The following ABCG2 variants were observed in gnomAD, a reference collection of about 807,000 sequenced individuals.
The protein encoded by ABCG2 is ATP binding cassette subfamily G member 2 (JR blood group), also known as broad substrate specificity ATP-binding cassette transporter ABCG2.
ABCG2 carries 80 observed loss-of-function variants against 73.5 expected under a neutral mutation model. The observed-to-expected ratio is 1.09, with a 90% CI of 0.91 to 1.31. The LOEUF (loss-of-function observed/expected upper bound fraction) is 1.31. Among genes scored for constraint, ABCG2 ranks in the 50% most tolerant of loss-of-function variants. The pLI is 0.00. For synonymous variants in ABCG2, 269 were observed against 282.4 expected, an observed-to-expected ratio of 0.95 and a Z score of 0.48; for missense variants, 796 against 786.2, an observed-to-expected ratio of 1.01 and a Z score of -0.15.
At chr4:88,148,565 T>C (rs1354547339) in intron 1 of ABCG2, among the ~76,000 whole-genome samples, 2 of 152,048 alleles carry the variant, frequency 1.3e-5, no homozygotes, top group Admixed American at 6.6e-5. Context: ...CTCCTATATA[T>C]CCTGATCCTA....
chr4:88,117,357 G>A (rs1388644962), intron 7 of ABCG2, among the ~76,000 whole-genome samples: 2 of 151,176 alleles, frequency 1.3e-5, no homozygotes, highest in African/African-American at 2.4e-5. Context: ...AATTTGCTGG[G>A]TGCAGTGGCT....
intron 6 of ABCG2, among the ~76,000 whole-genome samples, chr4:88,120,293 A>G (rs1013459863): frequency 1.3e-5 from 2 of 151,284 alleles, no homozygotes; most frequent in Non-Finnish European, 1.5e-5. Context: ...GTTGGGTGGG[A>G]GCCCCTACAC....
intron 5 of ABCG2, among the ~76,000 whole-genome samples, chr4:88,126,658 T>C (rs2110031922): frequency 6.6e-6 from 1 of 152,206 alleles, no homozygotes; most frequent in Non-Finnish European, 1.5e-5. Flanking sequence ...ATCACATAAA[T>C]AGAACAAATG....
intron 1 of ABCG2, among the ~76,000 whole-genome samples, chr4:88,177,275 G>A (rs2110097407): frequency 6.6e-6 from 1 of 152,144 alleles, no homozygotes; most frequent in South Asian, 2.1e-4. Flanking sequence ...TCGGGAGGGT[G>A]AGGCAGGAGA....
At chr4:88,167,155 C>T (rs1159432505) in intron 1 of ABCG2, among the ~76,000 whole-genome samples, 3 of 151,834 alleles carry the variant, frequency 2.0e-5, no homozygotes, top group Non-Finnish European at 4.4e-5. Context: ...GAACTCTTAG[C>T]TGGACACTCT....
chr4:88,146,663 G>C (rs1323904315), intron 1 of ABCG2, among the ~76,000 whole-genome samples: 3 of 151,852 alleles, frequency 2.0e-5, no homozygotes, highest in African/African-American at 7.2e-5. Context: ...CAAAGTGCTG[G>C]GATTACAGGC....
chr4:88,153,123 G>T (rs890955069), intron 1 of ABCG2, among the ~76,000 whole-genome samples: 10 of 152,160 alleles, frequency 6.6e-5, no homozygotes, highest in African/African-American at 2.4e-4. Flanking sequence ...CAGCAAAGAT[G>T]ATTTATTTAC....
At chr4:88,222,221 C>A (rs1730036306) in intron 1 of ABCG2, among the ~76,000 whole-genome samples, 1 of 152,202 alleles carries the variant, frequency 6.6e-6, no homozygotes, top group African/African-American at 2.4e-5. Flanking sequence ...AGTCTGGGAA[C>A]CTCCGCCTAC....
rs1553931062 is a variant in ABCG2, at chr4:88,098,685, T to TAGAC, written c.1492+635_1492+638dup. Among the ~76,000 whole-genome samples the TAGAC allele has an allele frequency of 8.7e-3, 1,324 of 151,584 alleles. 13 individuals carry two copies. The highest frequency in any genetic ancestry group is 0.028 in the Admixed American group (420 of 15,174). On this transcript the variant is annotated intron_variant, in intron 12 of 15. Coordinates refer to ENST00000237612, the MANE Select transcript of ABCG2 (RefSeq NM_004827.3). Reference sequence around the variant, plus strand: ...ATAGATAGATAGATAGATAGATAGATAGACAGATAGAAAACATAGATAGGC... The same window carrying TAGAC: ...ATAGATAGATAGATAGATAGATAGATAGACAGACAGATAGAAAACATAGATAGGC...
At chr4:88,159,817 AAAAGAATTTTAAGGTATAT>A (rs1727203754), upstream of ABCG2, among the ~76,000 whole-genome samples, 1 of 152,234 alleles carries the variant, frequency 6.6e-6, no homozygotes, top group Admixed American at 6.5e-5. Context: ...CATGCTTTTT[AAAAGAATTTTAAGGTATAT>A]ATTCATGATG....
chr4:88,183,318 C>T (rs1728332773), intron 1 of ABCG2, among the ~76,000 whole-genome samples: 1 of 151,638 alleles, frequency 6.6e-6, no homozygotes, highest in South Asian at 2.1e-4. Flanking sequence ...ATTGACAAAC[C>T]TTTAGCCAGA....
At chr4:88,186,492 A>G (rs941673102) in intron 1 of ABCG2, among the ~76,000 whole-genome samples, 8 of 152,166 alleles carry the variant, frequency 5.3e-5, no homozygotes, top group African/African-American at 1.9e-4. Flanking sequence ...AATGGTGGTT[A>G]TAAGCATGGT....
At chr4:88,167,725 C>A (rs1023387054) in intron 1 of ABCG2, among the ~76,000 whole-genome samples, 1 of 152,120 alleles carries the variant, frequency 6.6e-6, no homozygotes, top group Non-Finnish European at 1.5e-5. Context: ...CCCACCTTTA[C>A]AATCTTGATA....
At chr4:88,165,340 A>G (rs1727474116) in intron 1 of ABCG2, among the ~76,000 whole-genome samples, 1 of 152,220 alleles carries the variant, frequency 6.6e-6, no homozygotes, top group African/African-American at 2.4e-5. Flanking sequence ...GTGGTCTAAA[A>G]TCAAAATGTC....
intron 6 of ABCG2, among the ~76,000 whole-genome samples, chr4:88,120,101 C>T (rs1723865223): frequency 6.6e-6 from 1 of 152,158 alleles, no homozygotes; most frequent in Non-Finnish European, 1.5e-5. Flanking sequence ...ACTTGGTACC[C>T]TATGTTTCAG....
chr4:88,222,067 T>C (rs1254067905), intron 1 of ABCG2, among the ~76,000 whole-genome samples: 1 of 152,164 alleles, frequency 6.6e-6, no homozygotes, highest in East Asian at 1.9e-4. Flanking sequence ...CCTTGGGACT[T>C]GGTGCCCTGC....
intron 1 of ABCG2, among the ~76,000 whole-genome samples, chr4:88,211,372 C>CT (rs1553900242): frequency 8.1e-6 from 1 of 123,918 alleles, no homozygotes; most frequent in Non-Finnish European, 1.8e-5. Flanking sequence ...CACCCCCCCC[C>CT]ACTTTTGGAG....
intron 1 of ABCG2, among the ~76,000 whole-genome samples, chr4:88,187,381 G>A (rs1728508895): frequency 6.6e-6 from 1 of 152,066 alleles, no homozygotes; most frequent in Admixed American, 6.6e-5. Context: ...GGGAGGCCGA[G>A]GTGGGCGGAT....
At chr4:88,176,154 C>CTCGGTTTTTTTTTTTTTTTTTTTTTT (rs1335004081) in intron 1 of ABCG2, among the ~76,000 whole-genome samples, 2 of 125,814 alleles carry the variant, frequency 1.6e-5, no homozygotes, top group African/African-American at 5.6e-5. Flanking sequence ...TATGATTATT[C>CTCGGTTTTTTTTTTTTTTTTTTTTTT]TTGTTTTTTT....
Sources: allele counts gnomAD v4.1 joint callset (sites outside exome capture counted in the v4.1 genomes callset), GRCh38; gene constraint gnomAD v4.1.1; transcripts MANE v1.5; gene names NCBI Gene and HGNC (gene_info 2026-07-23, HGNC 2026-07-21).